Variants in POLR3E observed in about 807,000 individuals in gnomAD.
POLR3E encodes the protein RNA polymerase III subunit E, also known as DNA-directed RNA polymerase III subunit RPC5.
POLR3E carries 41 observed loss-of-function variants against 96.6 expected under a neutral mutation model. The ratio of observed to expected loss-of-function variants is 0.42; its 90% CI spans 0.33 to 0.55. POLR3E has a LOEUF of 0.55. Ranked by LOEUF, POLR3E falls within the 20% of genes least tolerant of loss-of-function variation. The probability of loss-of-function intolerance (pLI) is 0.06; values close to 1 mark genes in which losing one functional copy is unlikely to be tolerated. For missense variants in POLR3E, 849 were observed against 952.1 expected, an observed-to-expected ratio of 0.89 and a Z score of 1.43; for synonymous variants, 396 against 383.6, an observed-to-expected ratio of 1.03 and a Z score of -0.38.
In POLR3E at chr16:22,331,941, T is replaced by C. The variant is rs891923475; in HGVS notation, c.1945-119T>C. 3 of 955,872 alleles carry C rather than the reference T, an allele frequency of 3.1e-6. No individual in the cohort carries two copies. The African/African-American group carries it at 4.9e-5, about 16-fold the overall frequency. The allele number at this position is 955,872 out of a possible 1,614,324, so 59.2% of individuals were successfully genotyped here. A position where few individuals can be genotyped will look rare whatever the true frequency, so the allele number is the denominator to read the frequency against. On this transcript the variant is annotated intron_variant, in intron 19 of 20. Transcript: ENST00000299853. ...CTCATCTTTAACCAGAGGTGCTGCG[T>C]GAGGGTTTTTATCAGAGACTGCAAC...
intron 13 of POLR3E, among the ~76,000 whole-genome samples, chr16:22,320,633 A>G (rs2048454890): frequency 6.6e-6 from 1 of 152,164 alleles, no homozygotes; most frequent in Admixed American, 6.5e-5. Flanking sequence ...AATATTCTTT[A>G]CTCGCATGTT....
rs756230202 is a variant in POLR3E, at chr16:22,316,595, C to A, written c.643-6C>A. On this transcript the variant is annotated splice_polypyrimidine_tract_variant and splice_region_variant and intron_variant, in intron 9 of 20. Coordinates refer to ENST00000299853, the MANE Select transcript of POLR3E (RefSeq NM_018119.4). ...GCTCCTCTCACACCCTGCCCTCCTC[C>A]AACAGGACAGTCGCTCTGAGCATGA... is the stretch of plus-strand genomic sequence containing the variant. 1 of 1,612,626 alleles carries A rather than the reference C, an allele frequency of 6.2e-7. No individual in the cohort carries two copies. The highest frequency in any genetic ancestry group is 8.5e-7 in the Non-Finnish European group (1 of 1,178,784).
At chr16:22,327,557 C>T (rs1171543431) in intron 18 of POLR3E, 1 of 152,286 alleles carries the variant, frequency 6.6e-6, no homozygotes, top group Non-Finnish European at 1.5e-5. Context: ...CCAGCGTCTC[C>T]AGGAGACACC....
intron 3 of POLR3E, 53 bp from the exon 4 acceptor site, chr16:22,308,091 CCCAG>C: frequency 1.5e-6 from 2 of 1,356,334 alleles, no homozygotes; most frequent in Non-Finnish European, 2.1e-6. Context: ...TTGGCCAGGG[CCCAG>C]CTCTGGGCAT....
chr16:22,311,224 C>A (rs1308905570), intron 6 of POLR3E, among the ~76,000 whole-genome samples: 1 of 150,546 alleles, frequency 6.6e-6, no homozygotes, highest in East Asian at 2.0e-4. Context: ...CAGCCTTGGC[C>A]TCCCAGAGTG....
At chr16:22,331,919 A>ATCTT (rs2048748962) in intron 19 of POLR3E, 141 bp from the exon 20 acceptor site, 1 of 771,836 alleles carries the variant, frequency 1.3e-6, no homozygotes, top group East Asian at 2.5e-5. Context: ...GACTTGGCTC[A>ATCTT]TCTTTAACCA....
At position 22,318,687 on chromosome 16, in the gene POLR3E, G is replaced by T; in HGVS notation, c.866-139G>T. 2.5e-6 allele frequency: 2 copies of T among 798,234 alleles called. No individual in the cohort carries two copies. The highest frequency in any genetic ancestry group is 4.0e-6 in the Non-Finnish European group (2 of 503,522). The allele number at this position is 798,234 out of a possible 1,614,324, so 49.4% of individuals were successfully genotyped here. On this transcript the variant is annotated intron_variant, in intron 12 of 20. Transcript: ENST00000299853. This position sits in a 1 kb window ranked among gnomAD's most constrained non-coding sequence, Gnocchi z 5.0. Reference sequence around the variant, plus strand: ...GAGCAGCCTGAGAGTGTCAGCTGTTGGCTATGATGGGTGTCATTACTGTTA... The same window carrying T: ...GAGCAGCCTGAGAGTGTCAGCTGTTTGCTATGATGGGTGTCATTACTGTTA...
At chr16:22,312,652 G>A (rs1216972361) in intron 6 of POLR3E, among the ~76,000 whole-genome samples, 2 of 152,026 alleles carry the variant, frequency 1.3e-5, no homozygotes, top group Admixed American at 1.3e-4. Context: ...AGATCACAAG[G>A]TCAGGAGATC....
chr16:22,322,801 AG>A lies in POLR3E; in HGVS notation c.987-44del. 1 of 1,322,994 alleles carries A rather than the reference AG, an allele frequency of 7.6e-7. No individual in the cohort carries two copies. The highest frequency in any genetic ancestry group is 1.1e-6 in the Non-Finnish European group (1 of 919,836). The allele number at this position is 1,322,994 out of a possible 1,614,324, so 82.0% of individuals were successfully genotyped here. A position where few individuals can be genotyped will look rare whatever the true frequency, so the allele number is the denominator to read the frequency against. On this transcript the variant is annotated intron_variant, in intron 13 of 20. Transcript: ENST00000299853. This position sits in a 1 kb window ranked among gnomAD's most constrained non-coding sequence, Gnocchi z 5.2. ...GCTTGGCCGGGAGGGGTAGCGGTAG[AG>A]GGGGCTCAGGGCAGGGACTGACCTG...
Position 22,332,061 on chromosome 16 carries a change from A to G in POLR3E, c.1946A>G (p.His649Arg). 1.2e-6 allele frequency: 2 copies of G among 1,613,680 alleles called. No homozygotes were observed. Among genetic ancestry groups the G allele is most frequent in the Non-Finnish European group, 8.5e-7 (1 of 1,179,804 alleles). Reference protein sequence around the residue: ...LWESGDMSDQHRQVLLEIFSK... With the variant: ...LWESGDMSDQRRQVLLEIFSK... Reference sequence around the variant, plus strand: ...CATAACGTGTTTTTGCTACTAAAGCATCGACAGGTTTTGCTTGAAATTTTT... The same window carrying G: ...CATAACGTGTTTTTGCTACTAAAGCGTCGACAGGTTTTGCTTGAAATTTTT... The change falls in exon 20 of 21, where the codon CAT (histidine) becomes CGT (arginine). Residue 649 changes from histidine to arginine, a missense_variant and splice_region_variant. Physicochemically the swap from His to Arg is conservative, Grantham distance 29. Coordinates refer to ENST00000299853, the MANE Select transcript of POLR3E (RefSeq NM_018119.4).
At chr16:22,301,674 C>T (rs2048025737) in intron 1 of POLR3E, among the ~76,000 whole-genome samples, 1 of 152,150 alleles carries the variant, frequency 6.6e-6, no homozygotes. Context: ...GCCTGTAATC[C>T]CAGCACTTTG....
chr16:22,305,334 T>G (rs1165593678), intron 3 of POLR3E, 128 bp downstream of exon 3: 2 of 773,392 alleles, frequency 2.6e-6, no homozygotes, highest in Non-Finnish European at 4.7e-6. Context: ...TGTCATGGGG[T>G]CTCTTTGCTT....
At position 22,333,751 on chromosome 16, in the gene POLR3E, C is replaced by T. The variant is rs755997329; in HGVS notation, c.*51C>T. ...CAAATCTAAGCCCAAGGAAGAAGGG[C>T]GGAACCAGAAGTAGGGCCTCGACTT... On this transcript the variant is annotated 3_prime_UTR_variant, in exon 21 of 21. Transcript: ENST00000299853. The T allele has an allele frequency of 1.7e-5, 23 of 1,323,696 alleles. No individual in the cohort carries two copies. The highest frequency in any genetic ancestry group is 1.8e-4 in the Middle Eastern group (1 of 5,482). 82.0% of individuals were successfully genotyped at this position (1,323,696 alleles called of 1,614,324 possible).
intron 3 of POLR3E, among the ~76,000 whole-genome samples, chr16:22,307,547 G>T (rs1043474500): frequency 6.6e-5 from 10 of 152,198 alleles, no homozygotes; most frequent in Admixed American, 5.9e-4. Flanking sequence ...GAGCCCCTGC[G>T]TGTTGAGCGC....
At chr16:22,325,410 C>T (rs2048559524) in intron 17 of POLR3E, 144 bp downstream of exon 17, 1 of 733,500 alleles carries the variant, frequency 1.4e-6, no homozygotes, top group East Asian at 2.5e-5. Flanking sequence ...CCTTTCCTGC[C>T]ACCCACAGAC....
Position 22,328,532 on chromosome 16 carries a change from C to G in POLR3E, c.1889C>G (p.Ser630Cys). The G allele has an allele frequency of 3.7e-6, 6 of 1,614,026 alleles. No individual in the cohort carries two copies. The highest frequency in any genetic ancestry group is 4.2e-6 in the Non-Finnish European group (5 of 1,179,916). The change falls in exon 19 of 21, where the codon TCC (serine) becomes TGC (cysteine). Residue 630 changes from serine (S) to cysteine (C), a missense_variant. Ser to Cys is a moderately radical substitution (Grantham distance 112, BLOSUM62 -1). Transcript: ENST00000299853. ...LVPFPPQTAA[S>C]PDEQKVFALW... ...CAGTTTCCCCCCCAGACTGCTGCTT[C>G]CCCGGATGAGCAGAAGGTGTTTGCC...
rs372139956 is a variant in POLR3E at position 22,330,538 on chromosome 16, ATG to A, written c.1945-1518_1945-1517del. ...TTCACTTGTGTAATTTTCTGAACAC[ATG>A]TGTACCGAGGGTGATACTTTGCTTA... is the stretch of plus-strand genomic sequence containing the variant. On this transcript the variant is annotated intron_variant, in intron 19 of 20. Transcript: ENST00000299853. Among the ~76,000 whole-genome samples, 118 of 152,270 alleles carry A rather than the reference ATG, an allele frequency of 7.7e-4. 3 individuals carry two copies. The South Asian group carries it at 0.022, about 29-fold the overall frequency.
intron 18 of POLR3E, chr16:22,327,799 T>C (rs188707073): frequency 6.6e-6 from 1 of 152,298 alleles, no homozygotes; most frequent in Admixed American, 6.5e-5. Flanking sequence ...CTTTTCCCCA[T>C]GTACTACCTC....
intron 18 of POLR3E, 174 bp downstream of exon 18, chr16:22,326,452 GATC>G (rs2048597797): frequency 3.1e-6 from 2 of 650,746 alleles, no homozygotes; most frequent in African/African-American, 1.8e-5. Context: ...CATGAAATGG[GATC>G]ATGTTGGGTT....
Sources: allele counts gnomAD v4.1 joint callset (sites outside exome capture counted in the v4.1 genomes callset), GRCh38; gene constraint gnomAD v4.1.1; non-coding constraint Gnocchi (gnomAD v3.1); transcripts MANE v1.5; gene names NCBI Gene and HGNC (gene_info 2026-07-23, HGNC 2026-07-21).